NUP58: variants seen among roughly 807,000 people sequenced by gnomAD.
The protein encoded by NUP58 is nucleoporin p58/p45.
A neutral mutation model predicts 70.1 loss-of-function variants in NUP58; 17 were observed. That is an observed-to-expected ratio of 0.24 (90% confidence interval 0.17 to 0.36). NUP58 has a LOEUF of 0.36. Ranked by LOEUF, NUP58 falls within the 10% of genes least tolerant of loss-of-function variation. NUP58 has a pLI of 1.00. For missense variants in NUP58, 644 were observed against 701.5 expected (o/e 0.92, Z 0.93); for synonymous variants, 275 against 257.6 (o/e 1.07, Z -0.65).
chr13:25,303,155 A>G, intron 1 of NUP58: 1 of 449,550 alleles, frequency 2.2e-6, no homozygotes, highest in African/African-American at 2.0e-5. Context: ...TTTTAGCCAG[A>G]GTAATTGAAA....
chr13:25,319,595 CTAATA>C (rs139001741), intron 7 of NUP58, among the ~76,000 whole-genome samples: 1,710 of 152,102 alleles, frequency 0.011, 43 homozygotes, highest in African/African-American at 0.039. Context: ...TGGTATTTCT[CTAATA>C]TAAATAAATA....
chr13:25,327,872 C>T (rs185554919), intron 12 of NUP58, among the ~76,000 whole-genome samples: 1 of 151,992 alleles, frequency 6.6e-6, no homozygotes, highest in Non-Finnish European at 1.5e-5. Context: ...TAGGTGGTTT[C>T]TATTTCTTTA....
At chr13:25,338,249 T>C (rs548127946) in intron 14 of NUP58, among the ~76,000 whole-genome samples, 1 of 152,342 alleles carries the variant, frequency 6.6e-6, no homozygotes, top group East Asian at 1.9e-4. Flanking sequence ...GTGCATGTCA[T>C]GCTTATTAAT....
chr13:25,322,606 T>A (rs1382020470), intron 9 of NUP58, among the ~76,000 whole-genome samples: 1 of 152,236 alleles, frequency 6.6e-6, no homozygotes, highest in Admixed American at 6.5e-5. Flanking sequence ...TACAGTTACT[T>A]TCAGGCTATG....
intron 5 of NUP58, among the ~76,000 whole-genome samples, chr13:25,314,995 CAA>C (rs781682655): frequency 2.6e-5 from 4 of 151,978 alleles, no homozygotes; most frequent in African/African-American, 4.8e-5. Flanking sequence ...GTTTGTAAGA[CAA>C]GATGTATTCA....
In NUP58 at chr13:25,301,655, A is replaced by G. The variant is rs1169180935; in HGVS notation, c.-119A>G. The G allele has an allele frequency of 6.0e-6, 3 of 500,324 alleles. No individual in the cohort carries two copies. The highest frequency in any genetic ancestry group is 2.0e-5 in the African/African-American group (1 of 49,896). The allele number at this position is 500,324 out of a possible 1,614,324, so 31.0% of individuals were successfully genotyped here. A position where few individuals can be genotyped will look rare whatever the true frequency, so the allele number is the denominator to read the frequency against. On this transcript the variant is annotated 5_prime_UTR_variant, in exon 1 of 16. Coordinates refer to ENST00000381736, the MANE Select transcript of NUP58 (RefSeq NM_014089.4). ...TGCCTTCGCCGCCGTTGGGGCTGGA[A>G]GTTCCCGCCAGGTCCGTGCCGGGCG...
Position 25,319,868 on chromosome 13 carries a change from C to G in NUP58, c.710+518C>G, listed in dbSNP as rs562680962. On this transcript the variant is annotated intron_variant, in intron 7 of 15. Transcript: ENST00000381736. ...TCATAAATAAATGACAAATTCACTC[C>G]TTACAAACATCCTGTGTATATTTTA... Among the ~76,000 whole-genome samples, 5 of 152,124 alleles carry G rather than the reference C, an allele frequency of 3.3e-5. No individual in the cohort carries two copies. The East Asian group carries it at 7.7e-4, about 23-fold the overall frequency.
At chr13:25,334,914 A>G in intron 13 of NUP58, 4 of 985,008 alleles carry the variant, frequency 4.1e-6, no homozygotes, top group African/African-American at 1.7e-5. Context: ...ATTTATGGAA[A>G]TAAGAACCTC....
intron 12 of NUP58, among the ~76,000 whole-genome samples, 178 bp from the exon 13 acceptor site, chr13:25,331,179 A>G (rs1406787654): frequency 6.6e-6 from 1 of 152,220 alleles, no homozygotes; most frequent in Non-Finnish European, 1.5e-5. Flanking sequence ...AGGGAGCAGT[A>G]GAACTCTTGA....
intron 2 of NUP58, chr13:25,308,236 G>C (rs1016422917): frequency 5.1e-4 from 120 of 234,692 alleles, no homozygotes; most frequent in African/African-American, 2.4e-3. Context: ...GTTTAAGCCA[G>C]CTTTATCAAT....
At chr13:25,332,117 A>G in intron 13 of NUP58, 1 of 990,708 alleles carries the variant, frequency 1.0e-6, no homozygotes, top group African/African-American at 1.7e-5. Context: ...AATTTTGAAG[A>G]TGATACATGC....
In NUP58 at chr13:25,318,343, A is replaced by G. The variant is rs1593185164; in HGVS notation, c.686-983A>G. Among the ~76,000 whole-genome samples the G allele has an allele frequency of 3.9e-5, 6 of 152,068 alleles. No individual in the cohort carries two copies. In the South Asian group the frequency reaches 1.2e-3, roughly 32 times the overall value. The stretch of plus-strand genomic sequence containing the variant: ...ACTCCGTCTCAGAAATAAAAAAAAA[A>G]TTTGTAGCCACAGGGTTTTGCCCTG... On this transcript the variant is annotated intron_variant, in intron 6 of 15. Transcript: ENST00000381736.
chr13:25,332,764 A>G (rs1388062342), intron 13 of NUP58: 12 of 985,416 alleles, frequency 1.2e-5, no homozygotes, highest in African/African-American at 1.7e-5. Context: ...GTAGCTCTCT[A>G]GCTGGCTGGA....
At position 25,313,635 on chromosome 13, in the gene NUP58, A is replaced by G. The variant is rs2030784375; in HGVS notation, c.458A>G (p.Asn153Ser). Reference protein sequence around the residue: ...TPAASTGFTLNNLGGTTATTT... With the variant: ...TPAASTGFTLSNLGGTTATTT... The stretch of plus-strand genomic sequence containing the variant: ...ATAGCATCCACAGGATTTACTCTAA[A>G]TAATTTGGGTGGGACAACAGCCACA... The change falls in exon 5 of 16, where the codon AAT (asparagine) becomes AGT (serine). Residue 153 changes from asparagine to serine, a missense_variant. Physicochemically the swap from Asn to Ser is conservative, Grantham distance 46. Around this residue, in one of 4 missense-constraint regions of NUP58, gnomAD observed 430 missense variants for 409.2 expected, o/e 1.05. Transcript: ENST00000381736. 3 of 1,521,748 alleles carry G rather than the reference A, an allele frequency of 2.0e-6. No homozygotes were observed. Among genetic ancestry groups the G allele is most frequent in the Non-Finnish European group, 2.6e-6 (3 of 1,148,020 alleles). The allele number at this position is 1,521,748 out of a possible 1,614,324, so 94.3% of individuals were successfully genotyped here.
Position 25,338,638 on chromosome 13 carries a change from T to C in NUP58, c.1537T>C (p.Phe513Leu). The C allele has an allele frequency of 1.9e-6, 3 of 1,612,312 alleles. No individual in the cohort carries two copies. The highest frequency in any genetic ancestry group is 2.5e-6 in the Non-Finnish European group (3 of 1,178,484). ...SGLGSSNLGG[F>L]GTSSGFGCST... is the part of the protein sequence containing the mutation. ...TTTTTCTATTACCCTTCCACTAGGA[T>C]TTGGAACTAGCTCTGGTTTTGGATG... The change falls in exon 15 of 16, where the codon TTT (phenylalanine) becomes CTT (leucine). Residue 513 changes from phenylalanine (F) to leucine (L), a missense_variant and splice_region_variant. Coordinates refer to ENST00000381736, the MANE Select transcript of NUP58 (RefSeq NM_014089.4).
At chr13:25,318,152 AC>A in intron 6 of NUP58, among the ~76,000 whole-genome samples, 2 of 151,806 alleles carry the variant, frequency 1.3e-5, no homozygotes, top group East Asian at 3.9e-4. Context: ...AGATGGTAAA[AC>A]CCCGTCTCTA....
At chr13:25,329,958 A>C (rs980727289) in intron 12 of NUP58, among the ~76,000 whole-genome samples, 39 of 152,194 alleles carry the variant, frequency 2.6e-4, no homozygotes, top group African/African-American at 9.1e-4. Context: ...CCTCTTGAGT[A>C]GCTAGGACTA....
At chr13:25,345,285 G>GTC (rs2032034770), downstream of NUP58, among the ~76,000 whole-genome samples, 1 of 152,174 alleles carries the variant, frequency 6.6e-6, no homozygotes, top group Admixed American at 6.5e-5. Flanking sequence ...TTTACTGCCT[G>GTC]TCTCTGATCA....
chr13:25,308,287 G>A (rs1352092699), intron 2 of NUP58: 2 of 177,788 alleles, frequency 1.1e-5, no homozygotes, highest in East Asian at 2.9e-4. Context: ...CACCCTTACT[G>A]TAACATAATT....
Sources: gnomAD v4.1 joint callset for allele counts (sites outside exome capture counted in the v4.1 genomes callset) on GRCh38, gnomAD v4.1.1 for gene constraint, gnomAD v4.1.1 regional missense constraint, MANE v1.5 for transcripts, NCBI Gene and HGNC (gene_info 2026-07-23, HGNC 2026-07-21) for gene names.